The following ADGRL3 variants were observed in gnomAD, a reference collection of about 807,000 sequenced individuals.
ADGRL3 encodes the protein calcium-independent alpha-latrotoxin receptor 3.
ADGRL3 carries 62 observed loss-of-function variants against 153.5 expected under a neutral mutation model. The observed-to-expected ratio is 0.40, with a 90% CI of 0.33 to 0.50. ADGRL3 has a LOEUF of 0.50. Among genes scored for constraint, ADGRL3 ranks in the 20% least tolerant of loss-of-function variants. ADGRL3 has a pLI of 0.47. For synonymous variants in ADGRL3, 710 were observed against 672.5 expected, an observed-to-expected ratio of 1.06 and a Z score of -0.86; for missense variants, 1,641 against 1,859.4, an observed-to-expected ratio of 0.88 and a Z score of 2.16.
intron 17 of ADGRL3, among the ~76,000 whole-genome samples, chr4:61,948,774 A>G (rs928780893): frequency 1.3e-5 from 2 of 152,208 alleles, no homozygotes; most frequent in Non-Finnish European, 2.9e-5. Context: ...CCATGCAAGA[A>G]GACACTACTC....
At chr4:61,598,621 G>A (rs796205383) in intron 5 of ADGRL3, among the ~76,000 whole-genome samples, 10 of 152,162 alleles carry the variant, frequency 6.6e-5, no homozygotes, top group African/African-American at 1.7e-4. Flanking sequence ...GTATACCAGC[G>A]CTGTTGGCAT....
chr4:61,330,071 T>G (rs2095541160), intron 1 of ADGRL3, among the ~76,000 whole-genome samples: 1 of 152,204 alleles, frequency 6.6e-6, no homozygotes, highest in South Asian at 2.1e-4. Context: ...TGCTGGAAAA[T>G]ACCTGCTCCA....
intron 13 of ADGRL3, among the ~76,000 whole-genome samples, chr4:61,927,076 T>A (rs1214147620): frequency 6.6e-6 from 1 of 152,208 alleles, no homozygotes; most frequent in Non-Finnish European, 1.5e-5. Context: ...ATGTTGGATT[T>A]TAATTACTTG....
At chr4:61,939,703 C>T (rs1269250288) in intron 15 of ADGRL3, among the ~76,000 whole-genome samples, 1 of 151,816 alleles carries the variant, frequency 6.6e-6, no homozygotes, top group Admixed American at 6.6e-5. Context: ...TTCCTGACTT[C>T]GTGATCTGCC....
chr4:61,257,820 G>A (rs763754981), intron 1 of ADGRL3, among the ~76,000 whole-genome samples: 14 of 150,234 alleles, frequency 9.3e-5, no homozygotes, highest in Non-Finnish European at 1.6e-4. Flanking sequence ...AATTTATTTC[G>A]CTTAATTGAA....
At chr4:61,763,475 TA>T (rs2096937705) in intron 8 of ADGRL3, among the ~76,000 whole-genome samples, 1 of 152,064 alleles carries the variant, frequency 6.6e-6, no homozygotes, top group African/African-American at 2.4e-5. Flanking sequence ...CAGAGAAAAC[TA>T]GGAAATAGAC....
intron 5 of ADGRL3, among the ~76,000 whole-genome samples, chr4:61,617,693 A>G (rs544671944): frequency 4.5e-4 from 68 of 152,344 alleles, no homozygotes; most frequent in African/African-American, 1.6e-3. Context: ...AGCCACTTCA[A>G]TGTTTCTTGC....
At chr4:61,595,359 G>C (rs570153468) in intron 5 of ADGRL3, among the ~76,000 whole-genome samples, 2 of 152,056 alleles carry the variant, frequency 1.3e-5, no homozygotes, top group Admixed American at 1.3e-4. Context: ...GGGCCCAAGC[G>C]TTCTTTAGTC....
intron 2 of ADGRL3, among the ~76,000 whole-genome samples, chr4:61,398,129 A>G (rs79969115): frequency 9.9e-5 from 15 of 152,038 alleles, no homozygotes; most frequent in Non-Finnish European, 2.2e-4. Context: ...TCTCACTGAA[A>G]CTGCAATCCT....
intron 21 of ADGRL3, among the ~76,000 whole-genome samples, chr4:62,028,539 T>C (rs1720164926): frequency 6.6e-6 from 1 of 151,846 alleles, no homozygotes; most frequent in Non-Finnish European, 1.5e-5. Flanking sequence ...TAAAATTTCT[T>C]ATTCTCTAGA....
chr4:61,392,321 TA>T (rs2096818344), intron 2 of ADGRL3, among the ~76,000 whole-genome samples: 1 of 152,138 alleles, frequency 6.6e-6, no homozygotes, highest in African/African-American at 2.4e-5. Flanking sequence ...TCAGCTGTTT[TA>T]TTCTAATTAA....
At chr4:61,599,783 GAGA>G (rs1165886308) in intron 5 of ADGRL3, among the ~76,000 whole-genome samples, 1 of 152,132 alleles carries the variant, frequency 6.6e-6, no homozygotes, top group Non-Finnish European at 1.5e-5. Context: ...AAGAGAACAG[GAGA>G]AGGTCAGAGA....
chr4:61,355,134 C>G (rs1203196480), intron 1 of ADGRL3, among the ~76,000 whole-genome samples: 1 of 152,096 alleles, frequency 6.6e-6, no homozygotes, highest in Non-Finnish European at 1.5e-5. Flanking sequence ...AGACATTTAA[C>G]TAAGGTTCAA....
chr4:61,430,249 C>A (rs937596872), intron 2 of ADGRL3, among the ~76,000 whole-genome samples: 1 of 152,100 alleles, frequency 6.6e-6, no homozygotes, highest in African/African-American at 2.4e-5. Context: ...AATCAACCAA[C>A]CTTGTCAAAT....
chr4:61,848,170 G>A (rs996069467), intron 9 of ADGRL3, among the ~76,000 whole-genome samples: 1 of 134,776 alleles, frequency 7.4e-6, no homozygotes, highest in Non-Finnish European at 1.5e-5. Context: ...ATATGAACTG[G>A]TTTCAATTTT....
At chr4:61,270,154 G>A (rs552196014) in intron 1 of ADGRL3, among the ~76,000 whole-genome samples, 1 of 151,658 alleles carries the variant, frequency 6.6e-6, no homozygotes, top group South Asian at 2.1e-4. Flanking sequence ...AAACCTGTGG[G>A]ACATGCAAAA....
chr4:61,993,940 A>G (rs1422104650), intron 19 of ADGRL3, among the ~76,000 whole-genome samples: 1 of 152,176 alleles, frequency 6.6e-6, no homozygotes, highest in Non-Finnish European at 1.5e-5. Context: ...AAAAAAACCA[A>G]TGGTGTTTAA....
chr4:62,057,268 C>A (rs1259067846), intron 25 of ADGRL3, among the ~76,000 whole-genome samples: 1 of 152,094 alleles, frequency 6.6e-6, no homozygotes, highest in Non-Finnish European at 1.5e-5. Context: ...TGAACCATCC[C>A]AGACAGTGCT....
intron 17 of ADGRL3, among the ~76,000 whole-genome samples, chr4:61,970,714 G>A (rs900321034): frequency 5.3e-5 from 8 of 152,158 alleles, no homozygotes; most frequent in African/African-American, 1.9e-4. Flanking sequence ...AATGTTGTTG[G>A]TAGGTTGCTT....
Sources: gnomAD v4.1 joint callset for allele counts (sites outside exome capture counted in the v4.1 genomes callset) on GRCh38, gnomAD v4.1.1 for gene constraint, MANE v1.5 for transcripts, NCBI Gene and HGNC (gene_info 2026-07-23, HGNC 2026-07-21) for gene names.